The following ATRNL1 variants were observed in gnomAD, a reference collection of about 807,000 sequenced individuals.
The protein encoded by ATRNL1 is attractin-like protein 1.
Under a neutral mutation model 182.7 loss-of-function variants are expected in ATRNL1, and 95 were observed. That is an observed-to-expected ratio of 0.52 (90% confidence interval 0.44 to 0.62). The LOEUF is 0.62. Ranked by LOEUF, ATRNL1 falls within the 20% of genes least tolerant of loss-of-function variation. ATRNL1 has a pLI of 0.00. For synonymous variants in ATRNL1, 576 were observed against 568.3 expected, an observed-to-expected ratio of 1.01 and a Z score of -0.19; for missense variants, 1,471 against 1,679.5, an observed-to-expected ratio of 0.88 and a Z score of 2.17.
At chr10:115,310,600 AT>A (rs1853967399) in intron 17 of ATRNL1, among the ~76,000 whole-genome samples, 1 of 151,924 alleles carries the variant, frequency 6.6e-6, no homozygotes, top group Non-Finnish European at 1.5e-5. Context: ...TTTCCACTAG[AT>A]TTTCTAGTTT....
chr10:115,716,264 A>G (rs767462291), intron 26 of ATRNL1, among the ~76,000 whole-genome samples: 3 of 152,126 alleles, frequency 2.0e-5, no homozygotes, highest in Non-Finnish European at 4.4e-5. Flanking sequence ...ATTTTTTAGC[A>G]TTTTGCAATA....
At chr10:115,652,012 G>T (rs1316573794) in intron 26 of ATRNL1, among the ~76,000 whole-genome samples, 1 of 151,998 alleles carries the variant, frequency 6.6e-6, no homozygotes, top group Non-Finnish European at 1.5e-5. Flanking sequence ...TAGATTATAA[G>T]ATTTCTTTGT....
At chr10:115,166,945 GCTTTTGTGT>G (rs1207873622) in intron 7 of ATRNL1, among the ~76,000 whole-genome samples, 1 of 150,956 alleles carries the variant, frequency 6.6e-6, no homozygotes, top group Non-Finnish European at 1.5e-5. Flanking sequence ...TGTTACTTAT[GCTTTTGTGT>G]CATATGCAAG....
intron 27 of ATRNL1, among the ~76,000 whole-genome samples, chr10:115,779,631 CCT>C (rs1403081203): frequency 2.9e-4 from 44 of 152,254 alleles, no homozygotes; most frequent in African/African-American, 1.0e-3. Flanking sequence ...GTGCATATAT[CCT>C]TTTTTATTTT....
At chr10:115,624,698 C>CA (rs544747338) in intron 26 of ATRNL1, among the ~76,000 whole-genome samples, 87 of 152,228 alleles carry the variant, frequency 5.7e-4, no homozygotes, top group Non-Finnish European at 1.1e-3. Flanking sequence ...ACCCCTCCCC[C>CA]ACTGTTTGGA....
intron 2 of ATRNL1, among the ~76,000 whole-genome samples, chr10:115,121,246 G>GA (rs1422979849): frequency 1.3e-5 from 2 of 152,184 alleles, no homozygotes; most frequent in East Asian, 3.9e-4. Flanking sequence ...CTGAGTAGCT[G>GA]GGACTAGAGG....
intron 26 of ATRNL1, among the ~76,000 whole-genome samples, chr10:115,638,093 A>G (rs72824791): frequency 6.6e-6 from 1 of 152,152 alleles, no homozygotes; most frequent in East Asian, 1.9e-4. Flanking sequence ...CACTGACACC[A>G]AGAACAACTT....
chr10:115,184,255 A>G (rs1847854562), intron 8 of ATRNL1, among the ~76,000 whole-genome samples: 1 of 151,540 alleles, frequency 6.6e-6, no homozygotes, highest in African/African-American at 2.4e-5. Flanking sequence ...ATATGTTTCA[A>G]TCCCAAAGCC....
chr10:115,223,396 A>T (rs114753198), intron 9 of ATRNL1, among the ~76,000 whole-genome samples: 1,787 of 152,342 alleles, frequency 0.012, 33 homozygotes, highest in African/African-American at 0.04. Context: ...CTTAGAAAAG[A>T]TAAACCTTAA....
At chr10:115,808,570 C>G (rs541706348) in intron 27 of ATRNL1, among the ~76,000 whole-genome samples, 1 of 152,104 alleles carries the variant, frequency 6.6e-6, no homozygotes, top group East Asian at 1.9e-4. Flanking sequence ...GATTGTATGG[C>G]TAGGTATATG....
intron 28 of ATRNL1, among the ~76,000 whole-genome samples, chr10:115,863,613 A>G (rs1951366860): frequency 6.6e-6 from 1 of 152,162 alleles, no homozygotes; most frequent in Admixed American, 6.5e-5. Flanking sequence ...GAGTTTATTC[A>G]CTGTAGGTGG....
At chr10:115,804,976 C>G (rs1949886235) in intron 27 of ATRNL1, among the ~76,000 whole-genome samples, 1 of 152,170 alleles carries the variant, frequency 6.6e-6, no homozygotes, top group Non-Finnish European at 1.5e-5. Context: ...AATTTGCAAA[C>G]TATGTGTATG....
chr10:115,817,651 T>A (rs1490502996), intron 27 of ATRNL1, among the ~76,000 whole-genome samples: 1 of 152,086 alleles, frequency 6.6e-6, no homozygotes, highest in African/African-American at 2.4e-5. Context: ...CTTCTACCTT[T>A]TTGTTTCACT....
chr10:115,701,000 A>G (rs1555051367), intron 26 of ATRNL1, among the ~76,000 whole-genome samples: 2 of 152,082 alleles, frequency 1.3e-5, no homozygotes, highest in African/African-American at 2.4e-5. Context: ...ACCACAGAAT[A>G]TACATTCTTC....
At chr10:115,773,478 T>C (rs782084355) in intron 27 of ATRNL1, among the ~76,000 whole-genome samples, 1 of 152,230 alleles carries the variant, frequency 6.6e-6, no homozygotes, top group Non-Finnish European at 1.5e-5. Flanking sequence ...TTTTGCTTAA[T>C]ATTTATTTTA....
At chr10:115,194,994 G>T (rs1176784629) in intron 8 of ATRNL1, among the ~76,000 whole-genome samples, 3 of 151,720 alleles carry the variant, frequency 2.0e-5, no homozygotes, top group African/African-American at 4.8e-5. Flanking sequence ...AACTAAAAAA[G>T]CTCTATACAT....
chr10:115,240,830 C>T (rs1330119175), intron 9 of ATRNL1, among the ~76,000 whole-genome samples: 3 of 151,774 alleles, frequency 2.0e-5, no homozygotes, highest in African/African-American at 7.3e-5. Context: ...ATTAAAAGAA[C>T]ATTTATATTA....
At chr10:115,502,909 A>T (rs1363325612) in intron 24 of ATRNL1, among the ~76,000 whole-genome samples, 1 of 152,110 alleles carries the variant, frequency 6.6e-6, no homozygotes, top group Non-Finnish European at 1.5e-5. Flanking sequence ...AAAAGGCCCT[A>T]ACAGTCTCAC....
chr10:115,940,708 C>G (rs1352456100), intron 28 of ATRNL1, among the ~76,000 whole-genome samples: 2 of 134,682 alleles, frequency 1.5e-5, no homozygotes, highest in Non-Finnish European at 3.2e-5. Flanking sequence ...TTCTCTCTCT[C>G]TCTCTTTTAG....
Sources: allele counts gnomAD v4.1 joint callset (sites outside exome capture counted in the v4.1 genomes callset), GRCh38; gene constraint gnomAD v4.1.1; transcripts MANE v1.5; gene names NCBI Gene and HGNC (gene_info 2026-07-23, HGNC 2026-07-21).